The following CFAP47 variants were observed in gnomAD, a reference collection of about 807,000 sequenced individuals.
CFAP47 encodes the protein cilia- and flagella-associated protein 47.
Under a neutral mutation model 148.1 loss-of-function variants are expected in CFAP47, and 29 were observed. The observed-to-expected ratio is 0.20, with a 90% CI of 0.15 to 0.27. CFAP47 has a LOEUF of 0.27. Ranked by LOEUF, CFAP47 falls within the 10% of genes least tolerant of loss-of-function variation. The pLI, the probability that CFAP47 is intolerant of heterozygous loss-of-function variation, is 1.00. For synonymous variants in CFAP47, 664 were observed against 577.3 expected (o/e 1.15, Z -2.15); for missense variants, 1,872 against 1,697.5 (o/e 1.10, Z -1.81).
rs188976088 is a variant in CFAP47, at chrX:35,924,160, T to A, written c.250-1857T>A. ...ATGTGTACATGTATGCGTACATATA[T>A]GTATATATGTACATGTATGCGTACA... On this transcript the variant is annotated intron_variant, in intron 1 of 63. Coordinates refer to ENST00000378653, the MANE Select transcript of CFAP47 (RefSeq NM_001304548.2). Among the ~76,000 whole-genome samples the A allele has an allele frequency of 3.9e-3, 404 of 102,503 alleles. 3 individuals carry two copies. The highest frequency in any genetic ancestry group is 0.03 in the Middle Eastern group (6 of 197). 89.0% of individuals were successfully genotyped at this position (102,503 alleles called of 115,157 possible). A position where few individuals can be genotyped will look rare whatever the true frequency, so the allele number is the denominator to read the frequency against.
intron 8 of CFAP47, 146 bp downstream of exon 8, chrX:35,956,342 T>C (rs1936245850): frequency 2.1e-6 from 1 of 481,371 alleles, no homozygotes; most frequent in Non-Finnish European, 3.5e-6. Context: ...GATTTTTGTA[T>C]TGGTACTCAT....
intron 57 of CFAP47, among the ~76,000 whole-genome samples, chrX:36,346,003 TTTGA>T (rs1178722982): frequency 4.5e-5 from 5 of 111,680 alleles, no homozygotes; most frequent in Non-Finnish European, 9.4e-5. Context: ...AAAAAATGAC[TTTGA>T]TTATCATCAG....
chrX:36,234,937 G>A (rs930328022), intron 46 of CFAP47, among the ~76,000 whole-genome samples: 14 of 111,509 alleles, frequency 1.3e-4, no homozygotes, highest in African/African-American at 2.3e-4. Flanking sequence ...GTGGATTTTC[G>A]TGAACTGCGA....
rs782094288 is a variant in CFAP47, at chrX:36,371,952, GTA to G, written c.9185+4832_9185+4833del. 1.5e-4 allele frequency among the ~76,000 whole-genome samples: 14 copies of G among 93,667 alleles called. 1 individual carries two copies. Among genetic ancestry groups the G allele is most frequent in the African/African-American group, 5.8e-4 (13 of 22,575 alleles). 81.3% of individuals were successfully genotyped at this position (93,667 alleles called of 115,157 possible). ...TATACACACATGTGTATATGTGTGT[GTA>G]TATATACACACATGTGTATATGTGT... On this transcript the variant is annotated intron_variant, in intron 62 of 63. Coordinates refer to ENST00000378653, the MANE Select transcript of CFAP47 (RefSeq NM_001304548.2).
intron 50 of CFAP47, among the ~76,000 whole-genome samples, chrX:36,285,375 C>T (rs1941121750): frequency 9.0e-6 from 1 of 111,617 alleles, no homozygotes; most frequent in Non-Finnish European, 1.9e-5. Context: ...TATGGAAGAA[C>T]TTAATGAGTT....
Position 36,310,828 on chromosome X carries a change from A to G in CFAP47, c.8188-5A>G. On this transcript the variant is annotated splice_polypyrimidine_tract_variant and splice_region_variant and intron_variant, in intron 55 of 63. Transcript: ENST00000378653. Reference sequence around the variant, plus strand: ...CATAAGTTACGAATACTTATCTTCAAACAGTTTACAGAATGGAAATTCTAC... The same window carrying G: ...CATAAGTTACGAATACTTATCTTCAGACAGTTTACAGAATGGAAATTCTAC... 1 of 1,135,738 alleles carries G rather than the reference A, an allele frequency of 8.8e-7. No homozygotes were observed. The highest frequency in any genetic ancestry group is 1.2e-6 in the Non-Finnish European group (1 of 853,143). 93.6% of individuals were successfully genotyped at this position (1,135,738 alleles called of 1,213,427 possible). A position where few individuals can be genotyped will look rare whatever the true frequency, so the allele number is the denominator to read the frequency against.
At chrX:36,273,322 T>A (rs1556002165) in intron 49 of CFAP47, among the ~76,000 whole-genome samples, 1 of 111,738 alleles carries the variant, frequency 8.9e-6, no homozygotes, top group Non-Finnish European at 1.9e-5. Flanking sequence ...AACCACTTAA[T>A]GTTTAGCAAA....
chrX:35,966,194 T>G (rs1936398912), intron 8 of CFAP47, among the ~76,000 whole-genome samples: 1 of 107,835 alleles, frequency 9.3e-6, no homozygotes, highest in African/African-American at 3.2e-5. Context: ...AAGTTACTAA[T>G]ATTTAAGAAA....
At chrX:36,271,760 T>C (rs1453955213) in intron 49 of CFAP47, among the ~76,000 whole-genome samples, 3 of 111,707 alleles carry the variant, frequency 2.7e-5, no homozygotes, top group Non-Finnish European at 3.8e-5. Context: ...TCTGCTGATA[T>C]TGAAATAAGA....
chrX:36,139,785 C>A (rs1164831043), intron 35 of CFAP47, among the ~76,000 whole-genome samples: 1 of 111,684 alleles, frequency 9.0e-6, no homozygotes, highest in Non-Finnish European at 1.9e-5. Context: ...ATATCTTACA[C>A]CTGCTGGAGA....
At position 35,951,286 on chromosome X, in the gene CFAP47, G is replaced by T; in HGVS notation, c.812G>T (p.Arg271Leu). The T allele has an allele frequency of 8.3e-7, 1 of 1,210,271 alleles. No homozygotes were observed. The highest frequency in any genetic ancestry group is 1.8e-5 in the South Asian group (1 of 56,927). Reference protein sequence around the residue: ...FFGSSKIKHARVYNNSPEPIN... With the variant: ...FFGSSKIKHALVYNNSPEPIN... Reference sequence around the variant, plus strand: ...GGATCATCAAAAATTAAACATGCACGTGTATACAATAATAGCCCAGAGCCC... The same window carrying T: ...GGATCATCAAAAATTAAACATGCACTTGTATACAATAATAGCCCAGAGCCC... The change falls in exon 5 of 64, where the codon CGT becomes CTT. Residue 271 changes from arginine to leucine, a missense_variant. Coordinates refer to ENST00000378653, the MANE Select transcript of CFAP47 (RefSeq NM_001304548.2).
intron 29 of CFAP47, among the ~76,000 whole-genome samples, chrX:36,077,249 G>T (rs1937881704): frequency 2.4e-5 from 1 of 41,751 alleles, no homozygotes; most frequent in Non-Finnish European, 4.3e-5. Context: ...GGTTATTTGG[G>T]CTTATTTTTG....
chrX:36,098,713 A>G (rs935573476), intron 30 of CFAP47, 80 bp from the exon 31 acceptor site: 5 of 450,579 alleles, frequency 1.1e-5, no homozygotes, highest in Non-Finnish European at 1.4e-5. Context: ...GACTTGAAAT[A>G]TTTAATTGAT....
At chrX:35,998,517 G>A (rs1020085061) in intron 19 of CFAP47, among the ~76,000 whole-genome samples, 4 of 111,480 alleles carry the variant, frequency 3.6e-5, no homozygotes, top group African/African-American at 1.3e-4. Flanking sequence ...TCTCCCACTA[G>A]TACTGTTAAC....
chrX:35,997,569 A>G (rs945815193), intron 19 of CFAP47, among the ~76,000 whole-genome samples, 180 bp downstream of exon 19: 8 of 111,664 alleles, frequency 7.2e-5, no homozygotes, highest in Non-Finnish European at 1.5e-4. Flanking sequence ...GTAAGTGTTG[A>G]AACAGAATAT....
At chrX:36,009,188 G>A (rs948661525) in intron 21 of CFAP47, among the ~76,000 whole-genome samples, 10 of 110,828 alleles carry the variant, frequency 9.0e-5, no homozygotes, top group African/African-American at 3.0e-4. Context: ...GACAGTTTGC[G>A]AAACATACTC....
Position 36,109,531 on chromosome X carries a change from A to T in CFAP47, c.5320+4840A>T, listed in dbSNP as rs1471981703. On this transcript the variant is annotated intron_variant, in intron 33 of 63. Transcript: ENST00000378653. ...TAGCTCTGTCACCAGGCTGGAGTGC[A>T]GTGGCACAATCTTGGCTCACTGCAA... Among the ~76,000 whole-genome samples, 3 of 111,248 alleles carry T rather than the reference A, an allele frequency of 2.7e-5. No homozygotes were observed. In the Admixed American group the frequency reaches 2.9e-4, roughly 11 times the overall value.
intron 33 of CFAP47, among the ~76,000 whole-genome samples, chrX:36,109,069 G>C (rs1297640618): frequency 9.0e-6 from 1 of 111,024 alleles, no homozygotes; most frequent in African/African-American, 3.3e-5. Context: ...TCCTTCATTA[G>C]TTTGCTAAGG....
chrX:35,934,918 C>T (rs1935887187), intron 2 of CFAP47, among the ~76,000 whole-genome samples: 1 of 111,182 alleles, frequency 9.0e-6, no homozygotes, highest in African/African-American at 3.3e-5. Flanking sequence ...CCTACTGTGG[C>T]TAAGCTGGTA....
Sources: allele counts gnomAD v4.1 joint callset (sites outside exome capture counted in the v4.1 genomes callset), GRCh38; gene constraint gnomAD v4.1.1; transcripts MANE v1.5; gene names NCBI Gene and HGNC (gene_info 2026-07-23, HGNC 2026-07-21).